The following YEATS2 variants were observed in gnomAD, a reference collection of about 807,000 sequenced individuals.
YEATS2 encodes YEATS domain-containing protein 2.
Under a neutral mutation model 163.2 loss-of-function variants are expected in YEATS2, and 77 were observed. The observed-to-expected ratio is 0.47, with a 90% CI of 0.39 to 0.57. The LOEUF is 0.57. YEATS2 is among the 20% of genes least tolerant of loss of function. The pLI is 0.00. For synonymous variants in YEATS2, 631 were observed against 645.1 expected, an observed-to-expected ratio of 0.98 and a Z score of 0.33; for missense variants, 1,549 against 1,729.8, an observed-to-expected ratio of 0.90 and a Z score of 1.85.
At chr3:183,800,701 T>C in intron 24 of YEATS2, 133 bp downstream of exon 24, 1 of 672,970 alleles carries the variant, frequency 1.5e-6, no homozygotes, top group Non-Finnish European at 2.6e-6. Context: ...CCCCGTGCAG[T>C]GGACAAGTGT....
rs550993112 is a variant in YEATS2 at position 183,811,640 on chromosome 3, C to T, written c.*1057C>T. On this transcript the variant is annotated 3_prime_UTR_variant, in exon 31 of 31. Transcript: ENST00000305135. ...AAGCAGTGAGATTAGTCTGTGTCCA[C>T]AAGCAGAGGCCCCCTCGATGGGAGG... 1 of 152,708 alleles carries T rather than the reference C, an allele frequency of 6.5e-6. No homozygotes were observed. The highest frequency in any genetic ancestry group is 1.9e-4 in the East Asian group (1 of 5,178). The allele number at this position is 152,708 out of a possible 1,614,324, so 9.5% of individuals were successfully genotyped here. A position where few individuals can be genotyped will look rare whatever the true frequency, so the allele number is the denominator to read the frequency against.
chr3:183,698,523 TC>T (rs1318803213), intron 1 of YEATS2, among the ~76,000 whole-genome samples: 3 of 152,182 alleles, frequency 2.0e-5, no homozygotes, highest in African/African-American at 7.2e-5. Flanking sequence ...AAGTGAGGAC[TC>T]CTGCAGGAAA....
At chr3:183,727,157 C>T (rs900063003) in intron 6 of YEATS2, among the ~76,000 whole-genome samples, 1 of 151,918 alleles carries the variant, frequency 6.6e-6, no homozygotes, top group Non-Finnish European at 1.5e-5. Flanking sequence ...TTGATGAATA[C>T]ATTGATATAC....
At chr3:183,723,033 A>G (rs1426183693) in intron 5 of YEATS2, among the ~76,000 whole-genome samples, 2 of 152,224 alleles carry the variant, frequency 1.3e-5, no homozygotes, top group African/African-American at 4.8e-5. Flanking sequence ...TAGGTGTGAA[A>G]GAAACCTTCT....
At chr3:183,753,432 C>CT (rs1232417977) in intron 10 of YEATS2, among the ~76,000 whole-genome samples, 2 of 152,024 alleles carry the variant, frequency 1.3e-5, no homozygotes, top group African/African-American at 4.8e-5. Context: ...TCAATTGCAT[C>CT]TTTTTTATGG....
intron 20 of YEATS2, among the ~76,000 whole-genome samples, chr3:183,788,633 T>C (rs1264702645): frequency 6.6e-6 from 1 of 152,248 alleles, no homozygotes; most frequent in Non-Finnish European, 1.5e-5. Flanking sequence ...TCTCCTCATA[T>C]ACTCATTTCC....
chr3:183,716,961 C>T (rs1165358912), intron 2 of YEATS2, among the ~76,000 whole-genome samples: 9 of 151,502 alleles, frequency 5.9e-5, no homozygotes, highest in South Asian at 2.1e-4. Context: ...GGCACGATCT[C>T]GGCTCACTGC....
chr3:183,738,391 C>CTTT (rs1173865612), intron 8 of YEATS2, among the ~76,000 whole-genome samples: 43 of 74,018 alleles, frequency 5.8e-4, no homozygotes, highest in African/African-American at 9.5e-4. Context: ...AGGAAAAGTT[C>CTTT]TTTTTTTTTT....
rs574369447 is a variant in YEATS2, at chr3:183,793,256, A to T, written c.3097+2276A>T. ...GGCTGTGGATGTTGTTGTTGTCATTACTATTATTACTTCATTCATATGTAG... is the reference window on the plus strand; with the variant it reads ...GGCTGTGGATGTTGTTGTTGTCATTTCTATTATTACTTCATTCATATGTAG... On this transcript the variant is annotated intron_variant, in intron 21 of 30. Coordinates refer to ENST00000305135, the MANE Select transcript of YEATS2 (RefSeq NM_018023.5). The T allele has an allele frequency of 9.6e-4, 1,137 of 1,180,616 alleles. 2 individuals carry two copies. Among genetic ancestry groups the T allele is most frequent in the South Asian group, 4.0e-3 (251 of 63,096 alleles). The allele number at this position is 1,180,616 out of a possible 1,614,324, so 73.1% of individuals were successfully genotyped here. A position where few individuals can be genotyped will look rare whatever the true frequency, so the allele number is the denominator to read the frequency against.
intron 18 of YEATS2, among the ~76,000 whole-genome samples, chr3:183,777,174 C>G (rs747353409): frequency 1.2e-4 from 19 of 152,200 alleles, no homozygotes; most frequent in Non-Finnish European, 2.5e-4. Context: ...TCCTCGTCTC[C>G]TCTTGTCACT....
chr3:183,766,621 G>A (rs1366035713), intron 15 of YEATS2, among the ~76,000 whole-genome samples: 1 of 152,216 alleles, frequency 6.6e-6, no homozygotes. Flanking sequence ...ATTATTGAAT[G>A]GGAAGAGAAT....
chr3:183,718,162 T>TA (rs1716104968), intron 3 of YEATS2, among the ~76,000 whole-genome samples: 1 of 152,236 alleles, frequency 6.6e-6, no homozygotes, highest in Non-Finnish European at 1.5e-5. Context: ...CAGAATATCT[T>TA]ACGTGTCCCA....
chr3:183,750,704 T>G (rs188598727), intron 9 of YEATS2, among the ~76,000 whole-genome samples: 1 of 152,378 alleles, frequency 6.6e-6, no homozygotes, highest in African/African-American at 2.4e-5. Flanking sequence ...CCTTCATGTG[T>G]TTGGTGACCA....
rs869091775 is a variant in YEATS2 at position 183,730,052 on chromosome 3, G to GTTTTTTTTTT, written c.812+1227_812+1236dup. ...ATATTAATTGTGTGGTTTTTTGTTTGTTTTTTTTTTTTTTTTTTTTTTTTT... is the reference window on the plus strand; with the variant it reads ...ATATTAATTGTGTGGTTTTTTGTTTGTTTTTTTTTTTTTTTTTTTTTTTTTTTTTTTTTTT... On this transcript the variant is annotated intron_variant, in intron 7 of 30. Coordinates refer to ENST00000305135, the MANE Select transcript of YEATS2 (RefSeq NM_018023.5). 2.5e-3 allele frequency among the ~76,000 whole-genome samples: 105 copies of GTTTTTTTTTT among 41,698 alleles called. 15 individuals are homozygous for GTTTTTTTTTT. The highest frequency in any genetic ancestry group is 0.028 in the Middle Eastern group (1 of 36). The allele number at this position is 41,698 out of a possible 152,430, so 27.4% of individuals were successfully genotyped here.
chr3:183,771,014 G>A (rs1016964580), intron 15 of YEATS2, among the ~76,000 whole-genome samples: 2 of 152,104 alleles, frequency 1.3e-5, no homozygotes, highest in African/African-American at 2.4e-5. Context: ...TCCCTTGAAC[G>A]CATGTATGTT....
chr3:183,754,187 G>C lies in YEATS2; in HGVS notation c.1212G>C (p.Leu404Phe), dbSNP rs764046655. The change falls in exon 11 of 31, where the codon TTG becomes TTC. Residue 404 changes from leucine to phenylalanine, a missense_variant. Transcript: ENST00000305135. Reference sequence around the variant, plus strand: ...CGTTTTATGCTTTGCCATCTTCATTGGAAAGAACACCCACCAAAATGACTA... The same window carrying C: ...CGTTTTATGCTTTGCCATCTTCATTCGAAAGAACACCCACCAAAATGACTA... ...HTPFYALPSSLERTPTKMTTS... is the reference protein window; with the variant it reads ...HTPFYALPSSFERTPTKMTTS... 6.2e-7 allele frequency: 1 copy of C among 1,612,852 alleles called. No homozygotes were observed. The highest frequency in any genetic ancestry group is 8.5e-7 in the Non-Finnish European group (1 of 1,179,114).
At chr3:183,702,325 A>C (rs1054778246) in intron 1 of YEATS2, among the ~76,000 whole-genome samples, 4 of 151,888 alleles carry the variant, frequency 2.6e-5, no homozygotes, top group African/African-American at 9.7e-5. Context: ...CGTGCCTGTA[A>C]CCCCAGCTAC....
At chr3:183,758,479 T>C (rs1720995712) in intron 12 of YEATS2, among the ~76,000 whole-genome samples, 1 of 152,222 alleles carries the variant, frequency 6.6e-6, no homozygotes, top group Non-Finnish European at 1.5e-5. Flanking sequence ...TATCATTATG[T>C]TGTAGTGTCT....
intron 4 of YEATS2, among the ~76,000 whole-genome samples, chr3:183,720,764 C>G (rs528217210): frequency 1.3e-5 from 2 of 152,264 alleles, no homozygotes; most frequent in East Asian, 1.9e-4. Context: ...ATTATGAAGT[C>G]TAGAAGTCCA....
Sources: allele counts gnomAD v4.1 joint callset (sites outside exome capture counted in the v4.1 genomes callset), GRCh38; gene constraint gnomAD v4.1.1; transcripts MANE v1.5; gene names NCBI Gene and HGNC (gene_info 2026-07-23, HGNC 2026-07-21).